TRPM7: variants seen among roughly 807,000 people sequenced by gnomAD.
The protein encoded by TRPM7 is LTRPC ion channel family member 7.
A neutral mutation model predicts 229.7 loss-of-function variants in TRPM7; 134 were observed. The ratio of observed to expected loss-of-function variants is 0.58; its 90% CI spans 0.51 to 0.67. The LOEUF is 0.67. Ranked by LOEUF, TRPM7 falls within the 30% of genes least tolerant of loss-of-function variation. The probability of loss-of-function intolerance (pLI) is 0.00; values close to 1 mark genes in which losing one functional copy is unlikely to be tolerated. For synonymous variants in TRPM7, 699 were observed against 715.2 expected, an observed-to-expected ratio of 0.98 and a Z score of 0.36; for missense variants, 1,901 against 2,210.0, an observed-to-expected ratio of 0.86 and a Z score of 2.80.
chr15:50,592,189 C>A lies in TRPM7; in HGVS notation c.4046G>T (p.Gly1349Val), dbSNP rs903930470. The change falls in exon 26 of 39, where the codon GGT (glycine) becomes GTT (valine). Residue 1349 changes from glycine to valine, a missense_variant. Physicochemically the swap from Gly to Val is moderately radical, Grantham distance 109. Coordinates refer to ENST00000646667, the MANE Select transcript of TRPM7 (RefSeq NM_017672.6). Reference sequence around the variant, plus strand: ...TGGGAATAAGGCACCAGAAGAGGAACCAGCCTCTGGAAAATTAAATTCTTT... The same window carrying A: ...TGGGAATAAGGCACCAGAAGAGGAAACAGCCTCTGGAAAATTAAATTCTTT... Reference protein sequence around the residue: ...QRKEFNFPEAGSSSGALFPSA... With the variant: ...QRKEFNFPEAVSSSGALFPSA... 6.8e-6 allele frequency: 11 copies of A among 1,614,026 alleles called. No individual in the cohort carries two copies. Among genetic ancestry groups the A allele is most frequent in the African/African-American group, 1.3e-5 (1 of 74,916 alleles).
At chr15:50,613,975 C>T (rs1350229291) in intron 14 of TRPM7, 134 bp from the exon 15 acceptor site, 22 of 1,344,632 alleles carry the variant, frequency 1.6e-5, no homozygotes, top group Middle Eastern at 2.3e-4. Flanking sequence ...AGGATTTTGA[C>T]GACATAATAT....
intron 1 of TRPM7, among the ~76,000 whole-genome samples, chr15:50,679,511 A>AATAT (rs138501624): frequency 9.7e-4 from 73 of 75,384 alleles, no homozygotes; most frequent in African/African-American, 4.3e-3. Flanking sequence ...GTATATATAT[A>AATAT]ATATATATAT....
intron 2 of TRPM7, among the ~76,000 whole-genome samples, chr15:50,661,546 A>C (rs1286196791): frequency 6.6e-6 from 1 of 151,992 alleles, no homozygotes; most frequent in African/African-American, 2.4e-5. Flanking sequence ...CAAAGTTAAG[A>C]ATTTTTTAAA....
At chr15:50,652,206 G>A (rs542833023) in intron 3 of TRPM7, among the ~76,000 whole-genome samples, 12 of 151,090 alleles carry the variant, frequency 7.9e-5, no homozygotes, top group Admixed American at 2.0e-4. Context: ...GGTGGTGGGC[G>A]CCTGTAATGC....
At chr15:50,601,914 G>T (rs569665210) in intron 21 of TRPM7, among the ~76,000 whole-genome samples, 182 of 145,866 alleles carry the variant, frequency 1.2e-3, no homozygotes, top group African/African-American at 4.3e-3. Context: ...GTTTCCTCTG[G>T]TTAGAAACTC....
At chr15:50,589,677 T>C (rs756965825) in intron 26 of TRPM7, 21 bp from the exon 27 acceptor site, 2 of 1,530,438 alleles carry the variant, frequency 1.3e-6, no homozygotes, top group African/African-American at 2.8e-5. Context: ...AAAAAAGATG[T>C]TGCAATGAGA....
intron 1 of TRPM7, among the ~76,000 whole-genome samples, chr15:50,676,590 A>G (rs1264161279): frequency 1.3e-5 from 2 of 151,992 alleles, no homozygotes; most frequent in Non-Finnish European, 2.9e-5. Flanking sequence ...AAGATAAAAA[A>G]GACTTGAGGA....
In TRPM7 at chr15:50,634,555, C is replaced by T; in HGVS notation, c.834G>A (p.Arg278=). 3 of 1,402,416 alleles carry T rather than the reference C, an allele frequency of 2.1e-6. No homozygotes were observed. The highest frequency in any genetic ancestry group is 2.8e-6 in the Non-Finnish European group (3 of 1,073,838). The allele number at this position is 1,402,416 out of a possible 1,614,324, so 86.9% of individuals were successfully genotyped here. Residue 278 remains arginine (R), a splice_region_variant and synonymous_variant, in exon 8 of 39, where the codon AGG becomes AGA. Transcript: ENST00000646667. ...CCACCACAGGGACACCCTGGCCAATCCCTAAAAAGAGCAAAGTTAAATTAA... is the reference window on the plus strand; with the variant it reads ...CCACCACAGGGACACCCTGGCCAATTCCTAAAAAGAGCAAAGTTAAATTAA... ...KTINQQRIHA[R]IGQGVPVVAL... is the part of the protein sequence containing the mutation.
At chr15:50,683,069 G>T (rs1482528796) in intron 1 of TRPM7, among the ~76,000 whole-genome samples, 1 of 151,122 alleles carries the variant, frequency 6.6e-6, no homozygotes, top group Non-Finnish European at 1.5e-5. Context: ...ATTTTTTTTG[G>T]TAGAGACTGG....
Position 50,612,612 on chromosome 15 carries a change from G to A in TRPM7, c.1988C>T (p.Ala663Val), listed in dbSNP as rs2060091821. The A allele has an allele frequency of 6.2e-7, 1 of 1,613,956 alleles. No homozygotes were observed. The highest frequency in any genetic ancestry group is 8.5e-7 in the Non-Finnish European group (1 of 1,179,996). The change falls in exon 16 of 39, where the codon GCA (alanine) becomes GTA (valine). Residue 663 changes from alanine (A) to valine (V), a missense_variant. By Grantham distance (64) the Ala-to-Val change is moderately conservative. Coordinates refer to ENST00000646667, the MANE Select transcript of TRPM7 (RefSeq NM_017672.6). ...LVACKIYRSM[A>V]YEAKQSDLVD... is the part of the protein sequence containing the mutation. ...CAGGTCACTCTGCTTTGCTTCATAT[G>A]CCATTGAACGATAGATCTTACAGGC...
At chr15:50,685,223 G>C (rs2062330520) in intron 1 of TRPM7, among the ~76,000 whole-genome samples, 1 of 152,244 alleles carries the variant, frequency 6.6e-6, no homozygotes, top group South Asian at 2.1e-4. Context: ...AGGACTTTGG[G>C]GGGCTGAGGC....
intron 20 of TRPM7, among the ~76,000 whole-genome samples, chr15:50,605,662 G>A (rs561131742): frequency 2.0e-5 from 3 of 152,262 alleles, no homozygotes; most frequent in African/African-American, 7.2e-5. Context: ...ATACTGCAAA[G>A]CATCCGTTTC....
chr15:50,633,890 T>C (rs2060808453), intron 8 of TRPM7, among the ~76,000 whole-genome samples: 1 of 152,236 alleles, frequency 6.6e-6, no homozygotes, highest in Non-Finnish European at 1.5e-5. Flanking sequence ...TTTTAATTTG[T>C]TCCAATAACA....
At chr15:50,564,939 T>C (rs72740423) in intron 38 of TRPM7, among the ~76,000 whole-genome samples, 5,172 of 152,038 alleles carry the variant, frequency 0.034, 108 homozygotes, top group Middle Eastern at 0.099. Context: ...AGTGTATCAA[T>C]GAGCAAATCA....
In TRPM7 at chr15:50,592,671, T is replaced by C. The variant is rs752171964; in HGVS notation, c.3609-45A>G. On this transcript the variant is annotated intron_variant, in intron 25 of 38. Coordinates refer to ENST00000646667, the MANE Select transcript of TRPM7 (RefSeq NM_017672.6). Reference sequence around the variant, plus strand: ...TTTTTTTACAAATGTGAAAAAATAATGTAGAATTTTATTTTGTAGCCTCAA... The same window carrying C: ...TTTTTTTACAAATGTGAAAAAATAACGTAGAATTTTATTTTGTAGCCTCAA... 6.0e-6 allele frequency: 8 copies of C among 1,327,744 alleles called. No individual in the cohort carries two copies. The Admixed American group carries it at 6.9e-5, about 12-fold the overall frequency. 82.2% of individuals were successfully genotyped at this position (1,327,744 alleles called of 1,614,324 possible).
chr15:50,605,011 T>C lies in TRPM7; in HGVS notation c.2843A>G (p.Asn948Ser). ...ATGATTATCATATGCATTTGCAAAG[T>C]TCCATTTTGCTCCAAATCTTAGTCC... Reference protein sequence around the residue: ...GFGLRFGAKWNFANAYDNHVF... With the variant: ...GFGLRFGAKWSFANAYDNHVF... The change falls in exon 21 of 39, where the codon AAC (asparagine) becomes AGC (serine). Residue 948 changes from asparagine (N) to serine (S), a missense_variant. Physicochemically the swap from Asn to Ser is conservative, Grantham distance 46 (BLOSUM62 1). Around this residue, in one of 8 missense-constraint regions of TRPM7, gnomAD observed 207 missense variants for 241.5 expected, o/e 0.86. Transcript: ENST00000646667. The C allele has an allele frequency of 6.2e-7, 1 of 1,613,974 alleles. No individual in the cohort carries two copies. The highest frequency in any genetic ancestry group is 8.5e-7 in the Non-Finnish European group (1 of 1,179,934).
rs1039154211 is a variant in TRPM7, at chr15:50,596,350, G to T, written c.3195C>A (p.Ile1065=). 3.7e-6 allele frequency: 6 copies of T among 1,606,278 alleles called. No individual in the cohort carries two copies. The highest frequency in any genetic ancestry group is 1.7e-5 in the Admixed American group (1 of 57,650). Residue 1065 remains isoleucine (I), a synonymous_variant, in exon 23 of 39, where the codon ATC becomes ATA. Coordinates refer to ENST00000646667, the MANE Select transcript of TRPM7 (RefSeq NM_017672.6). The part of the protein sequence containing the change: ...VCANDSVIPQ[I]CGPGTWLTPF... The stretch of plus-strand genomic sequence containing the variant: ...GAGTCAACCACGTCCCAGGACCACA[G>T]ATTTGAGGGATAACAGAATCATTTG...
intron 6 of TRPM7, among the ~76,000 whole-genome samples, chr15:50,638,051 T>C (rs2060960763): frequency 1.3e-5 from 2 of 151,918 alleles, no homozygotes; most frequent in Admixed American, 6.6e-5. Context: ...ACCCCATCTC[T>C]ACTAAAACTA....
At chr15:50,581,389 C>T (rs889622835) in intron 29 of TRPM7, among the ~76,000 whole-genome samples, 1 of 151,924 alleles carries the variant, frequency 6.6e-6, no homozygotes, top group African/African-American at 2.4e-5. Context: ...ATCCCAGCTA[C>T]TTGGGAGGCT....
Sources: gnomAD v4.1 joint callset for allele counts (sites outside exome capture counted in the v4.1 genomes callset) on GRCh38, gnomAD v4.1.1 for gene constraint, gnomAD v4.1.1 regional missense constraint, MANE v1.5 for transcripts, NCBI Gene and HGNC (gene_info 2026-07-23, HGNC 2026-07-21) for gene names.